Variants in TXLNA observed in about 807,000 individuals in gnomAD.
TXLNA encodes the protein alpha-taxilin.
Under a neutral mutation model 61.4 loss-of-function variants are expected in TXLNA, and 9 were observed. The ratio of observed to expected loss-of-function variants is 0.15; its 90% CI spans 0.09 to 0.26. The LOEUF is 0.26. Ranked by LOEUF, TXLNA falls within the 10% of genes least tolerant of loss-of-function variation. TXLNA has a pLI of 1.00. For synonymous variants in TXLNA, 257 were observed against 267.7 expected (o/e 0.96, Z 0.39); for missense variants, 565 against 688.8 (o/e 0.82, Z 2.01).
intron 6 of TXLNA, among the ~76,000 whole-genome samples, chr1:32,191,653 GAC>G (rs1642909152): frequency 1.3e-5 from 2 of 152,142 alleles, no homozygotes; most frequent in Admixed American, 6.5e-5. Flanking sequence ...TCCCCAGACA[GAC>G]ACAGGCACCC....
intron 3 of TXLNA, among the ~76,000 whole-genome samples, chr1:32,182,674 AAAG>A (rs918875077): frequency 4.6e-5 from 7 of 151,390 alleles, no homozygotes; most frequent in African/African-American, 1.5e-4. Flanking sequence ...AAAAAAAAAA[AAAG>A]AATCTAGAAT....
chr1:32,180,698 A>G (rs1308828236), intron 2 of TXLNA, among the ~76,000 whole-genome samples, 184 bp downstream of exon 2: 1 of 152,268 alleles, frequency 6.6e-6, no homozygotes, highest in Non-Finnish European at 1.5e-5. Flanking sequence ...CTCTAAGCAC[A>G]GGAACAGAGT....
In TXLNA at chr1:32,197,153, G is replaced by A. The variant is rs1385823716; in HGVS notation, c.*1958G>A. Reference sequence around the variant, plus strand: ...CCAGCCCCTGTGCCAGGCTAAGCTGGTACAAGAGCTGCCAACCTCACAGAG... The same window carrying A: ...CCAGCCCCTGTGCCAGGCTAAGCTGATACAAGAGCTGCCAACCTCACAGAG... On this transcript the variant is annotated 3_prime_UTR_variant, in exon 11 of 11. Coordinates refer to ENST00000373610, the MANE Select transcript of TXLNA (RefSeq NM_175852.4). The surrounding 1 kb of genome is among the most constrained non-coding windows in gnomAD (Gnocchi z 4.6). The A allele has an allele frequency of 6.6e-6, 1 of 152,386 alleles. No homozygotes were observed. The highest frequency in any genetic ancestry group is 2.1e-4 in the South Asian group (1 of 4,838). 9.4% of individuals were successfully genotyped at this position (152,386 alleles called of 1,614,324 possible). A position where few individuals can be genotyped will look rare whatever the true frequency, so the allele number is the denominator to read the frequency against.
intron 5 of TXLNA, 128 bp downstream of exon 5, chr1:32,188,252 T>A: frequency 2.0e-6 from 2 of 977,882 alleles, no homozygotes; most frequent in Non-Finnish European, 2.9e-6. Flanking sequence ...CATAAGTGAT[T>A]AAAAATCTTC....
intron 4 of TXLNA, among the ~76,000 whole-genome samples, chr1:32,185,356 GTGTATGTA>G (rs543538012): frequency 0.016 from 2,440 of 151,140 alleles, 58 homozygotes; most frequent in African/African-American, 0.053. Context: ...GTCACAGCCT[GTGTATGTA>G]TGTATGTATG....
chr1:32,194,906 C>G lies in TXLNA; in HGVS notation c.1352C>G (p.Thr451Arg). ...AGGTCTCATTTCTTTCCCTAGAAAA[C>G]AGTCCGGGATAAAGAACTGGAGGGC... ...KALLEMAEEK[T>R]VRDKELEGLQ... The change falls in exon 11 of 11, where the codon ACA (threonine) becomes AGA (arginine). Residue 451 changes from threonine (T) to arginine (R), a missense_variant. By Grantham distance (71) the Thr-to-Arg change is moderately conservative. Around this residue, in one of 2 missense-constraint regions of TXLNA, gnomAD observed 373 missense variants for 504.0 expected, o/e 0.74. Coordinates refer to ENST00000373610, the MANE Select transcript of TXLNA (RefSeq NM_175852.4). 1 of 1,602,190 alleles carries G rather than the reference C, an allele frequency of 6.2e-7. No individual in the cohort carries two copies. Among genetic ancestry groups the G allele is most frequent in the Non-Finnish European group, 8.5e-7 (1 of 1,175,034 alleles).
At position 32,180,390 on chromosome 1, in the gene TXLNA, T is replaced by C. The variant is rs571273407; in HGVS notation, c.45T>C (p.Asn15=). Reference sequence around the variant, plus strand: ...AGAACGGGGCTGCCAAACAATCCAATCCAAAAAGCAGCCCAGGACAACCGG... The same window carrying C: ...AGAACGGGGCTGCCAAACAATCCAACCCAAAAAGCAGCCCAGGACAACCGG... ...DKKNGAAKQS[N]PKSSPGQPEA... Residue 15 remains asparagine (N), a synonymous_variant, in exon 2 of 11, where the codon AAT becomes AAC. Transcript: ENST00000373610. 4 of 1,613,722 alleles carry C rather than the reference T, an allele frequency of 2.5e-6. No individual in the cohort carries two copies. The South Asian group carries it at 3.3e-5, about 13-fold the overall frequency.
In TXLNA at chr1:32,196,585, C is replaced by T. The variant is rs530441725; in HGVS notation, c.*1390C>T. The T allele has an allele frequency of 1.3e-5, 2 of 152,094 alleles. No individual in the cohort carries two copies. Among genetic ancestry groups the T allele is most frequent in the South Asian group, 4.1e-4 (2 of 4,822 alleles). 9.4% of individuals were successfully genotyped at this position (152,094 alleles called of 1,614,324 possible). A position where few individuals can be genotyped will look rare whatever the true frequency, so the allele number is the denominator to read the frequency against. On this transcript the variant is annotated 3_prime_UTR_variant, in exon 11 of 11. Transcript: ENST00000373610. ...CTACTATGTACTGTGTAGAGCCATT[C>T]TATATGCTGAATGTTCTGCTGTTGC...
Position 32,195,203 on chromosome 1 carries a change from G to A in TXLNA, c.*8G>A, listed in dbSNP as rs1358000585. 4 of 1,566,890 alleles carry A rather than the reference G, an allele frequency of 2.6e-6. No individual in the cohort carries two copies. The highest frequency in any genetic ancestry group is 2.2e-5 in the East Asian group (1 of 44,562). ...ACCTCCGCCAGGGCCTAGAGAGCCT[G>A]GTGTTGGGTCATGCTGGGAAGGGAG... On this transcript the variant is annotated 3_prime_UTR_variant, in exon 11 of 11. Coordinates refer to ENST00000373610, the MANE Select transcript of TXLNA (RefSeq NM_175852.4).
intron 3 of TXLNA, among the ~76,000 whole-genome samples, chr1:32,183,255 C>T (rs1427891064): frequency 6.6e-6 from 1 of 150,502 alleles, no homozygotes. Flanking sequence ...TCCCGAGTAG[C>T]TGGGACTACA....
At position 32,195,987 on chromosome 1, in the gene TXLNA, T is replaced by C. The variant is rs541434196; in HGVS notation, c.*792T>C. On this transcript the variant is annotated 3_prime_UTR_variant, in exon 11 of 11. Coordinates refer to ENST00000373610, the MANE Select transcript of TXLNA (RefSeq NM_175852.4). The stretch of plus-strand genomic sequence containing the variant: ...TCTTTATTTCTTTTTCTTTTTTTTT[T>C]TTTTTCTTTTTCTTTTTTTTTTGCA... 4.7e-3 allele frequency: 923 copies of C among 194,540 alleles called. 14 individuals carry two copies. Among genetic ancestry groups the C allele is most frequent in the African/African-American group, 0.021 (852 of 40,152 alleles). The allele number at this position is 194,540 out of a possible 1,614,324, so 12.1% of individuals were successfully genotyped here.
At chr1:32,183,760 CAG>C (rs1451636698) in intron 3 of TXLNA, among the ~76,000 whole-genome samples, 1 of 129,804 alleles carries the variant, frequency 7.7e-6, no homozygotes, top group African/African-American at 2.9e-5. Flanking sequence ...TTTTTTTAGA[CAG>C]AGTCTCGCTC....
At position 32,190,204 on chromosome 1, in the gene TXLNA, T is replaced by C. The variant is rs1296956209; in HGVS notation, c.918T>C (p.Ala306=). Residue 306 remains alanine (A), a synonymous_variant, in exon 6 of 11, where the codon GCT becomes GCC. Transcript: ENST00000373610. ...TGCGCCAAGAGAACATGGAGCTGGC[T>C]GAGAGGCTCAAGAAGCTGATTGAGC... ...SKLRQENMEL[A]ERLKKLIEQY... is the part of the protein sequence containing the mutation. The C allele has an allele frequency of 5.0e-6, 8 of 1,606,144 alleles. No homozygotes were observed. The East Asian group carries it at 1.6e-4, about 31-fold the overall frequency.
At chr1:32,193,163 C>T (rs1642943143) in intron 8 of TXLNA, 45 bp from the exon 9 acceptor site, 2 of 1,390,266 alleles carry the variant, frequency 1.4e-6, no homozygotes, top group Non-Finnish European at 2.0e-6. Flanking sequence ...CAGAGTGCCT[C>T]CCAGAGAAAC....
intron 3 of TXLNA, among the ~76,000 whole-genome samples, chr1:32,183,637 A>G (rs1569598952): frequency 6.8e-6 from 1 of 147,010 alleles, no homozygotes; most frequent in Admixed American, 6.8e-5. Flanking sequence ...TCACTGTGTT[A>G]GCCAGGATGG....
In TXLNA at chr1:32,190,181, C is replaced by T; in HGVS notation, c.895C>T (p.Arg299Cys). Residue 299 changes from arginine to cysteine, a missense_variant, in exon 6 of 11, where the codon CGC (arginine) becomes TGC (cysteine). Physicochemically the swap from Arg to Cys is radical, Grantham distance 180. Transcript: ENST00000373610. ...EQHNERNSKL[R>C]QENMELAERL... is the part of the protein sequence containing the mutation. ...GCACAATGAGCGCAACTCCAAGCTG[C>T]GCCAAGAGAACATGGAGCTGGCTGA... The T allele has an allele frequency of 3.7e-6, 6 of 1,603,602 alleles. No individual in the cohort carries two copies. The highest frequency in any genetic ancestry group is 1.1e-5 in the South Asian group (1 of 88,958).
At chr1:32,188,270 TA>T (rs1642829805) in intron 5 of TXLNA, 146 bp downstream of exon 5, 2 of 805,870 alleles carry the variant, frequency 2.5e-6, no homozygotes, top group South Asian at 4.5e-5. Flanking sequence ...TTCTGGCCAC[TA>T]AAAAACAGAA....
intron 10 of TXLNA, 52 bp downstream of exon 10, chr1:32,194,212 T>C: frequency 6.9e-7 from 1 of 1,443,174 alleles, no homozygotes; most frequent in East Asian, 2.3e-5. Context: ...TTAGCGCATA[T>C]CAGGCCCTTT....
rs1642931156 is a variant in TXLNA at position 32,192,557 on chromosome 1, T to C, written c.1084-100T>C. The C allele has an allele frequency of 1.3e-6, 2 of 1,592,162 alleles. No individual in the cohort carries two copies. Among genetic ancestry groups the C allele is most frequent in the African/African-American group, 1.3e-5 (1 of 74,322 alleles). ...GGCACAGATTCCTTGAGTACCAGTC[T>C]GAGAGCAGGAAGCCTCAGTGGGTCT... On this transcript the variant is annotated intron_variant, in intron 7 of 10. Transcript: ENST00000373610. This position sits in a 1 kb window ranked among gnomAD's most constrained non-coding sequence, Gnocchi z 4.2.
Sources: allele counts gnomAD v4.1 joint callset (sites outside exome capture counted in the v4.1 genomes callset), GRCh38; gene constraint gnomAD v4.1.1; regional missense constraint gnomAD v4.1.1; non-coding constraint Gnocchi (gnomAD v3.1); transcripts MANE v1.5; gene names NCBI Gene and HGNC (gene_info 2026-07-23, HGNC 2026-07-21).